The following DNAH8 variants were observed in gnomAD, a reference collection of about 807,000 sequenced individuals.
The protein encoded by DNAH8 is dynein axonemal heavy chain 8, also known as axonemal beta dynein heavy chain 8.
In DNAH8, 382 loss-of-function variants were observed where a neutral mutation model predicts 562.1. The ratio of observed to expected loss-of-function variants is 0.68; its 90% CI spans 0.63 to 0.74. The LOEUF is 0.74. Ranked by LOEUF, DNAH8 falls within the 30% of genes least tolerant of loss-of-function variation. DNAH8 has a pLI of 0.00. For missense variants in DNAH8, 5,203 were observed against 5,620.4 expected, an observed-to-expected ratio of 0.93 and a Z score of 2.37; for synonymous variants, 1,881 against 1,919.4, an observed-to-expected ratio of 0.98 and a Z score of 0.52.
chr6:38,801,828 G>A (rs1770800778), intron 21 of DNAH8, among the ~76,000 whole-genome samples: 1 of 152,202 alleles, frequency 6.6e-6, no homozygotes, highest in Non-Finnish European at 1.5e-5. Context: ...CATAACACAT[G>A]GGGGCAAAAC....
At chr6:38,994,081 T>C (rs1764972424) in intron 88 of DNAH8, among the ~76,000 whole-genome samples, 2 of 152,194 alleles carry the variant, frequency 1.3e-5, no homozygotes, top group Admixed American at 6.5e-5. Flanking sequence ...TGGTGAGGCA[T>C]TTGAACCTTC....
chr6:38,935,565 A>G (rs201053508), intron 76 of DNAH8, 27 bp from the exon 77 acceptor site: 12 of 1,492,798 alleles, frequency 8.0e-6, no homozygotes, highest in Non-Finnish European at 1.1e-5. Flanking sequence ...TATAGTTCCA[A>G]TGTTATTTTT....
At chr6:38,825,955 G>A (rs189281140) in intron 28 of DNAH8, among the ~76,000 whole-genome samples, 1 of 152,272 alleles carries the variant, frequency 6.6e-6, no homozygotes, top group African/African-American at 2.4e-5. Context: ...TTTCCACGGG[G>A]ATACATGCTC....
At chr6:38,862,179 A>G (rs1268664096) in intron 43 of DNAH8, 101 bp from the exon 44 acceptor site, 21 of 1,057,292 alleles carry the variant, frequency 2.0e-5, no homozygotes, top group Non-Finnish European at 2.8e-5. Context: ...CTCAGACTCT[A>G]AAATAAATAG....
chr6:38,779,526 T>C (rs1404003459), intron 14 of DNAH8, among the ~76,000 whole-genome samples: 1 of 152,188 alleles, frequency 6.6e-6, no homozygotes, highest in African/African-American at 2.4e-5. Context: ...ACAAAGTTGT[T>C]TTTGTGATTA....
rs140992181 is a variant in DNAH8, at chr6:38,965,114, A to G, written c.12452-6478A>G. Among the ~76,000 whole-genome samples the G allele has an allele frequency of 7.7e-3, 1,028 of 134,084 alleles. 9 individuals are homozygous for G. The highest frequency in any genetic ancestry group is 0.025 in the African/African-American group (903 of 36,842). 88.0% of individuals were successfully genotyped at this position (134,084 alleles called of 152,430 possible). ...ATAAAATAAAATAAAATAAAATAAA[A>G]TAATGTATAATACATATATGCATAT... On this transcript the variant is annotated intron_variant, in intron 82 of 92. Coordinates refer to ENST00000327475, the MANE Select transcript of DNAH8 (RefSeq NM_001206927.2).
Position 38,894,797 on chromosome 6 carries a change from G to A in DNAH8, c.8680G>A (p.Glu2894Lys), listed in dbSNP as rs754160223. The change falls in exon 59 of 93, where the codon GAG becomes AAG. Residue 2894 changes from glutamate (E) to lysine (K), a missense_variant. By Grantham distance (56) the Glu-to-Lys change is moderately conservative (BLOSUM62 1). Coordinates refer to ENST00000327475, the MANE Select transcript of DNAH8 (RefSeq NM_001206927.2). ...WQGMLTIKAE[E>K]CASIPTLLSL... ...AGGAATGTTGACCATAAAAGCTGAG[G>A]AGTGCGCTTCAATCCCTACTCTCCT... 6.8e-6 allele frequency: 11 copies of A among 1,613,952 alleles called. No homozygotes were observed. Among genetic ancestry groups the A allele is most frequent in the Non-Finnish European group, 9.3e-6 (11 of 1,180,002 alleles).
chr6:38,793,916 T>G (rs1248276294), intron 21 of DNAH8, among the ~76,000 whole-genome samples: 1 of 152,222 alleles, frequency 6.6e-6, no homozygotes, highest in African/African-American at 2.4e-5. Context: ...TTTACAGTTT[T>G]GGATTGGGAG....
intron 56 of DNAH8, among the ~76,000 whole-genome samples, chr6:38,884,753 A>C (rs1477580619): frequency 2.6e-5 from 4 of 152,218 alleles, no homozygotes; most frequent in Non-Finnish European, 5.9e-5. Flanking sequence ...TCAAAAAAAC[A>C]AAAACAAAAA....
At chr6:38,888,356 CAGAA>C (rs1779103426) in intron 57 of DNAH8, among the ~76,000 whole-genome samples, 1 of 151,684 alleles carries the variant, frequency 6.6e-6, no homozygotes, top group Non-Finnish European at 1.5e-5. Flanking sequence ...AAATGAGACT[CAGAA>C]AGCACAAAAA....
At chr6:38,895,013 C>T (rs1006159811) in intron 59 of DNAH8, 149 bp downstream of exon 59, 1 of 745,864 alleles carries the variant, frequency 1.3e-6, no homozygotes, top group Non-Finnish European at 2.0e-6. Context: ...ACCACAACCT[C>T]TGCCTCCCGG....
Position 39,008,693 on chromosome 6 carries a change from C to CTTTTTT in DNAH8, c.13215-112_13215-107dup, listed in dbSNP as rs34058863. 2.4e-5 allele frequency: 9 copies of CTTTTTT among 369,136 alleles called. 1 individual carries two copies. The highest frequency in any genetic ancestry group is 9.3e-5 in the Admixed American group (2 of 21,534). The allele number at this position is 369,136 out of a possible 1,614,324, so 22.9% of individuals were successfully genotyped here. ...AGGTTGATGGTAGTTAACTTTTCTT[C>CTTTTTT]TTTTTTTTTTTTTTGTAGCTTGCTT... On this transcript the variant is annotated intron_variant, in intron 88 of 92. Coordinates refer to ENST00000327475, the MANE Select transcript of DNAH8 (RefSeq NM_001206927.2).
At chr6:38,880,514 C>G (rs1778393930) in intron 53 of DNAH8, among the ~76,000 whole-genome samples, 1 of 151,974 alleles carries the variant, frequency 6.6e-6, no homozygotes, top group Non-Finnish European at 1.5e-5. Context: ...CAGCCACAGA[C>G]TGTAAAGAAC....
chr6:38,905,191 C>G (rs1342689901), intron 62 of DNAH8, among the ~76,000 whole-genome samples: 1 of 152,188 alleles, frequency 6.6e-6, no homozygotes, highest in Non-Finnish European at 1.5e-5. Flanking sequence ...TGGCCTACTG[C>G]CCATTACTTG....
At chr6:38,752,312 T>C (rs778503509) in intron 9 of DNAH8, among the ~76,000 whole-genome samples, 2 of 151,214 alleles carry the variant, frequency 1.3e-5, no homozygotes, top group Non-Finnish European at 2.9e-5. Flanking sequence ...TACAGGTGCA[T>C]GCCACCATGC....
intron 8 of DNAH8, among the ~76,000 whole-genome samples, chr6:38,747,392 T>C (rs141262487): frequency 0.18 from 26,165 of 144,716 alleles, 2,888 homozygotes; most frequent in Non-Finnish European, 0.27. Flanking sequence ...TTCTTTTTTT[T>C]TTTTTTTTTT....
rs140937135 is a variant in DNAH8 at position 38,938,832 on chromosome 6, A to G, written c.11851A>G (p.Thr3951Ala). ...GTCACCACTACCTCAAAAGAGAATT[A>G]CAAATATTATCGAGTACCTGACATA... ...EKSPLPQKRI[T>A]NIIEYLTYEV... is the part of the protein sequence containing the mutation. Residue 3951 changes from threonine (T) to alanine (A), a missense_variant, in exon 79 of 93, where the codon ACA becomes GCA. Thr to Ala is a moderately conservative substitution (Grantham distance 58, BLOSUM62 0). Around this residue, in one of 6 missense-constraint regions of DNAH8, gnomAD observed 1,399 missense variants for 1,518.4 expected, o/e 0.92. Transcript: ENST00000327475. 2.2e-4 allele frequency: 360 copies of G among 1,611,824 alleles called. No homozygotes were observed. Among genetic ancestry groups the G allele is most frequent in the Non-Finnish European group, 3.0e-4 (351 of 1,179,010 alleles).
rs755364892 is a variant in DNAH8, at chr6:38,823,653, CTAT to C, written c.3817_3819del (p.Ile1273del). 23 of 1,604,304 alleles carry C rather than the reference CTAT, an allele frequency of 1.4e-5. No individual in the cohort carries two copies. The highest frequency in any genetic ancestry group is 1.9e-5 in the Non-Finnish European group (22 of 1,171,932). ...GAACAGGAGATTGATGAGTTGAAGCCTATTATTGTTGTAGGAGCACTTGAATTA... is the reference window on the plus strand; with the variant it reads ...GAACAGGAGATTGATGAGTTGAAGCCTATTGTTGTAGGAGCACTTGAATTA... On this transcript the variant is annotated inframe_deletion, in exon 28 of 93. Transcript: ENST00000327475.
intron 82 of DNAH8, among the ~76,000 whole-genome samples, chr6:38,956,317 A>AG (rs1391787538): frequency 6.6e-6 from 1 of 152,160 alleles, no homozygotes; most frequent in East Asian, 1.9e-4. Flanking sequence ...ATCTACTGGG[A>AG]GATACATGCC....
Sources: gnomAD v4.1 joint callset for allele counts (sites outside exome capture counted in the v4.1 genomes callset) on GRCh38, gnomAD v4.1.1 for gene constraint, gnomAD v4.1.1 regional missense constraint, MANE v1.5 for transcripts, NCBI Gene and HGNC (gene_info 2026-07-23, HGNC 2026-07-21) for gene names.